The following EEPD1 variants were observed in gnomAD, a reference collection of about 807,000 sequenced individuals.
EEPD1 encodes endonuclease/exonuclease/phosphatase family domain-containing protein 1.
Under a neutral mutation model 46.3 loss-of-function variants are expected in EEPD1, and 17 were observed. The observed-to-expected ratio is 0.37, with a 90% CI of 0.25 to 0.55. The LOEUF (loss-of-function observed/expected upper bound fraction) is 0.55. Among genes scored for constraint, EEPD1 ranks in the 20% least tolerant of loss-of-function variants. The pLI, the probability that EEPD1 is intolerant of heterozygous loss-of-function variation, is 0.83. For missense variants in EEPD1, 673 were observed against 745.6 expected (o/e 0.90, Z 1.13); for synonymous variants, 313 against 315.6 (o/e 0.99, Z 0.09).
chr7:36,203,226 C>G (rs567488097), intron 2 of EEPD1, among the ~76,000 whole-genome samples: 104 of 152,286 alleles, frequency 6.8e-4, no homozygotes, highest in African/African-American at 2.4e-3. Flanking sequence ...CACACAGTAA[C>G]TTTGAAGTGT....
chr7:36,276,030 T>C (rs1271081657), intron 3 of EEPD1, among the ~76,000 whole-genome samples: 1 of 152,178 alleles, frequency 6.6e-6, no homozygotes, highest in Admixed American at 6.5e-5. Context: ...ATCTCGTAGA[T>C]TGGAGTTTAA....
At chr7:36,244,859 G>A (rs1231102533) in intron 3 of EEPD1, among the ~76,000 whole-genome samples, 2 of 133,668 alleles carry the variant, frequency 1.5e-5, no homozygotes, top group South Asian at 2.7e-4. Context: ...TGCAACCTCC[G>A]CATCCTGAGT....
chr7:36,201,754 T>C (rs1395644615), intron 2 of EEPD1, among the ~76,000 whole-genome samples: 2 of 152,106 alleles, frequency 1.3e-5, no homozygotes, highest in Admixed American at 6.5e-5. Flanking sequence ...CCCTCTTGGA[T>C]GGTGTTTTCA....
chr7:36,219,495 A>G (rs1238920574), intron 2 of EEPD1, among the ~76,000 whole-genome samples: 1 of 149,660 alleles, frequency 6.7e-6, no homozygotes, highest in Non-Finnish European at 1.5e-5. Context: ...GCAAGACCCT[A>G]TTTCAAAGAA....
chr7:36,191,747 G>A (rs970951145), intron 2 of EEPD1, among the ~76,000 whole-genome samples: 2 of 152,212 alleles, frequency 1.3e-5, no homozygotes, highest in Admixed American at 6.5e-5. Flanking sequence ...AAAAACAAAC[G>A]CAGACTTATG....
intron 6 of EEPD1, among the ~76,000 whole-genome samples, chr7:36,292,900 A>T (rs1206085106): frequency 2.0e-5 from 3 of 152,196 alleles, no homozygotes; most frequent in Non-Finnish European, 4.4e-5. Context: ...ATTTGGATTC[A>T]TAAGTCGAAA....
chr7:36,285,603 CAGTG>C (rs1396683123), intron 5 of EEPD1, among the ~76,000 whole-genome samples: 2 of 152,204 alleles, frequency 1.3e-5, no homozygotes, highest in African/African-American at 4.8e-5. Flanking sequence ...AGTTGGCAGT[CAGTG>C]AGCCTTATCC....
intron 5 of EEPD1, among the ~76,000 whole-genome samples, chr7:36,287,007 G>C (rs551732063): frequency 2.6e-4 from 39 of 152,176 alleles, no homozygotes; most frequent in African/African-American, 9.4e-4. Context: ...AGGATCACTT[G>C]AGGGCAGGAG....
chr7:36,291,235 C>T (rs1351137655), intron 6 of EEPD1, among the ~76,000 whole-genome samples: 1 of 152,214 alleles, frequency 6.6e-6, no homozygotes, highest in African/African-American at 2.4e-5. Context: ...AATCAAACTG[C>T]ACCCTAATTC....
intron 2 of EEPD1, among the ~76,000 whole-genome samples, chr7:36,198,359 G>GAAAAAAAAAAAGAAAT (rs1381831424): frequency 2.5e-5 from 1 of 39,652 alleles, no homozygotes. Flanking sequence ...AAAAAAAAAA[G>GAAAAAAAAAAAGAAAT]AAAGATATTT....
chr7:36,266,923 A>C (rs1787028428), intron 3 of EEPD1, among the ~76,000 whole-genome samples: 1 of 152,206 alleles, frequency 6.6e-6, no homozygotes, highest in Non-Finnish European at 1.5e-5. Flanking sequence ...TTCACGGCTG[A>C]GTAATACTTT....
At chr7:36,175,732 G>A (rs902173671) in intron 2 of EEPD1, among the ~76,000 whole-genome samples, 1 of 152,162 alleles carries the variant, frequency 6.6e-6, no homozygotes, top group Non-Finnish European at 1.5e-5. Flanking sequence ...AGATGAACAT[G>A]CTCTTAGGAG....
At chr7:36,236,978 G>A (rs1248762137) in intron 2 of EEPD1, among the ~76,000 whole-genome samples, 2 of 152,170 alleles carry the variant, frequency 1.3e-5, no homozygotes, top group East Asian at 1.9e-4. Flanking sequence ...TTTGCTCTTC[G>A]CAATAAATCT....
Position 36,281,053 on chromosome 7 carries a change from C to T in EEPD1, c.931-62C>T. On this transcript the variant is annotated intron_variant, in intron 3 of 7. Transcript: ENST00000242108. ...ATGCAGTGCCTGGCTTCTCAGGCCGCCGCCAGCCGGGACTGCTTTAGGCGC... is the reference window on the plus strand; with the variant it reads ...ATGCAGTGCCTGGCTTCTCAGGCCGTCGCCAGCCGGGACTGCTTTAGGCGC... 2.0e-6 allele frequency: 3 copies of T among 1,466,448 alleles called. No individual in the cohort carries two copies. The South Asian group carries it at 3.4e-5, about 17-fold the overall frequency. 90.8% of individuals were successfully genotyped at this position (1,466,448 alleles called of 1,614,324 possible).
At chr7:36,176,655 A>C (rs892680515) in intron 2 of EEPD1, among the ~76,000 whole-genome samples, 9 of 152,198 alleles carry the variant, frequency 5.9e-5, no homozygotes, top group African/African-American at 1.9e-4. Context: ...ACTGGAATAA[A>C]GTGTTCTTTT....
chr7:36,182,087 C>T (rs1412111761), intron 2 of EEPD1, among the ~76,000 whole-genome samples: 5 of 152,112 alleles, frequency 3.3e-5, no homozygotes, highest in African/African-American at 4.8e-5. Flanking sequence ...GTCTTACCAG[C>T]GTGGATAAGG....
At chr7:36,290,778 T>C (rs541380680) in intron 6 of EEPD1, among the ~76,000 whole-genome samples, 4 of 152,234 alleles carry the variant, frequency 2.6e-5, no homozygotes, top group South Asian at 2.1e-4. Context: ...GTAGTTGTCA[T>C]TGGCGTTTTA....
At chr7:36,292,394 C>CT (rs1273488313) in intron 6 of EEPD1, among the ~76,000 whole-genome samples, 3 of 150,304 alleles carry the variant, frequency 2.0e-5, no homozygotes, top group Admixed American at 6.6e-5. Context: ...CTTTTCTTTT[C>CT]TTTCTTTCTT....
chr7:36,267,871 A>G (rs1787047258), intron 3 of EEPD1, among the ~76,000 whole-genome samples: 1 of 152,182 alleles, frequency 6.6e-6, no homozygotes, highest in African/African-American at 2.4e-5. Flanking sequence ...GCCCTCATCA[A>G]TGAGATTAGT....
Sources: gnomAD v4.1 joint callset for allele counts (sites outside exome capture counted in the v4.1 genomes callset) on GRCh38, gnomAD v4.1.1 for gene constraint, MANE v1.5 for transcripts, NCBI Gene and HGNC (gene_info 2026-07-23, HGNC 2026-07-21) for gene names.